FHIT: variants seen among roughly 807,000 people sequenced by gnomAD.
FHIT encodes bis(5'-adenosyl)-triphosphatase.
A neutral mutation model predicts 17.9 loss-of-function variants in FHIT; 19 were observed. The ratio of observed to expected loss-of-function variants is 1.06; its 90% CI spans 0.74 to 1.56. The LOEUF is 1.56. FHIT is among the 40% of genes most tolerant of loss of function. The pLI, the probability that FHIT is intolerant of heterozygous loss-of-function variation, is 0.00. For missense variants in FHIT, 248 were observed against 189.2 expected, an observed-to-expected ratio of 1.31 and a Z score of -1.82; for synonymous variants, 81 against 69.7, an observed-to-expected ratio of 1.16 and a Z score of -0.81.
chr3:60,705,801 CT>C (rs1159936369), intron 4 of FHIT, among the ~76,000 whole-genome samples: 5 of 152,176 alleles, frequency 3.3e-5, no homozygotes, highest in Non-Finnish European at 5.9e-5. Flanking sequence ...CACCCACCAT[CT>C]CTCCAGCTGT....
At chr3:60,376,409 C>T (rs1700564623) in intron 5 of FHIT, among the ~76,000 whole-genome samples, 3 of 152,218 alleles carry the variant, frequency 2.0e-5, no homozygotes, top group East Asian at 3.9e-4. Context: ...CTGGAAAAGT[C>T]CAGAAAATGC....
At chr3:59,812,237 C>A (rs1005527318) in intron 8 of FHIT, among the ~76,000 whole-genome samples, 6 of 152,126 alleles carry the variant, frequency 3.9e-5, no homozygotes, top group Non-Finnish European at 8.8e-5. Context: ...GTCATGGAAC[C>A]CTGATACAGA....
At chr3:59,866,199 A>G (rs1458496134) in intron 8 of FHIT, among the ~76,000 whole-genome samples, 1 of 151,840 alleles carries the variant, frequency 6.6e-6, no homozygotes, top group Non-Finnish European at 1.5e-5. Flanking sequence ...TTTGGTGGGG[A>G]ATCTGAGCTG....
intron 2 of FHIT, among the ~76,000 whole-genome samples, chr3:61,145,352 G>A (rs553542255): frequency 1.8e-4 from 28 of 152,194 alleles, no homozygotes; most frequent in Admixed American, 1.1e-3. Context: ...GACCATAAAT[G>A]CGAGGGTTTA....
intron 5 of FHIT, among the ~76,000 whole-genome samples, chr3:60,026,053 C>T (rs1429660512): frequency 1.3e-5 from 2 of 152,150 alleles, no homozygotes; most frequent in East Asian, 3.9e-4. Flanking sequence ...CATCTGCTTA[C>T]ACCTGTCTCC....
chr3:60,872,696 C>T (rs1262946903), intron 3 of FHIT, among the ~76,000 whole-genome samples: 5 of 152,028 alleles, frequency 3.3e-5, no homozygotes, highest in African/African-American at 1.2e-4. Context: ...TTTATTGAGA[C>T]AAATCCTCAA....
intron 4 of FHIT, among the ~76,000 whole-genome samples, chr3:60,718,590 G>T (rs1041337898): frequency 1.3e-5 from 2 of 152,164 alleles, no homozygotes; most frequent in African/African-American, 2.4e-5. Flanking sequence ...TGCCAAATCT[G>T]CCAGTCACTC....
At chr3:60,794,639 T>C (rs926159335) in intron 4 of FHIT, among the ~76,000 whole-genome samples, 1 of 152,234 alleles carries the variant, frequency 6.6e-6, no homozygotes, top group Admixed American at 6.5e-5. Flanking sequence ...ATTAATGAGA[T>C]ACTTTCGTAC....
Position 60,468,431 on chromosome 3 carries a change from T to C in FHIT, c.103+68429A>G, listed in dbSNP as rs536377008. Among the ~76,000 whole-genome samples, 4 of 152,264 alleles carry C rather than the reference T, an allele frequency of 2.6e-5. No homozygotes were observed. The South Asian group carries it at 8.3e-4, about 32-fold the overall frequency. On this transcript the variant is annotated intron_variant, in intron 5 of 9. Coordinates refer to ENST00000492590, the MANE Select transcript of FHIT (RefSeq NM_002012.4). ...GGTGATTTTCTCAAGTGATATGTTT[T>C]TATTGCTTGCTTTTTTATTTTTTCT...
intron 7 of FHIT, among the ~76,000 whole-genome samples, chr3:59,985,779 T>C (rs1057492807): frequency 6.6e-6 from 1 of 152,132 alleles, no homozygotes; most frequent in Non-Finnish European, 1.5e-5. Flanking sequence ...TGATCACCTC[T>C]CACTTTCACA....
At chr3:60,556,092 T>A (rs1177537694) in intron 4 of FHIT, among the ~76,000 whole-genome samples, 5 of 152,176 alleles carry the variant, frequency 3.3e-5, no homozygotes, top group Non-Finnish European at 7.3e-5. Context: ...GAACACTAAT[T>A]GGTCATTTTC....
chr3:60,501,555 G>T (rs1200666374), intron 5 of FHIT, among the ~76,000 whole-genome samples: 2 of 152,156 alleles, frequency 1.3e-5, no homozygotes, highest in African/African-American at 4.8e-5. Context: ...ATTTGGGAGT[G>T]GCTGGCTTTT....
chr3:60,080,520 G>A (rs1044558831), intron 5 of FHIT, among the ~76,000 whole-genome samples: 1 of 152,096 alleles, frequency 6.6e-6, no homozygotes, highest in Non-Finnish European at 1.5e-5. Context: ...TCCAGGCACT[G>A]ATTATTTTTT....
chr3:60,582,306 T>C (rs2107681415), intron 4 of FHIT, among the ~76,000 whole-genome samples: 1 of 152,228 alleles, frequency 6.6e-6, no homozygotes, highest in South Asian at 2.1e-4. Context: ...GAATGTCTAA[T>C]TGATGAATGC....
chr3:60,574,176 G>C (rs1559551395), intron 4 of FHIT, among the ~76,000 whole-genome samples: 1 of 152,040 alleles, frequency 6.6e-6, no homozygotes, highest in Non-Finnish European at 1.5e-5. Context: ...GCAGCTATGG[G>C]AGCTACAAAG....
chr3:60,563,206 G>A (rs1338562598), intron 4 of FHIT, among the ~76,000 whole-genome samples: 4 of 152,128 alleles, frequency 2.6e-5, no homozygotes, highest in African/African-American at 9.7e-5. Flanking sequence ...TTGAGTTGGT[G>A]AGGCAGCAGT....
chr3:60,995,982 C>G (rs1444879063), intron 3 of FHIT, among the ~76,000 whole-genome samples: 2 of 152,196 alleles, frequency 1.3e-5, no homozygotes, highest in East Asian at 3.8e-4. Context: ...CCAGTGAACA[C>G]TTTAATTTTA....
intron 3 of FHIT, among the ~76,000 whole-genome samples, chr3:60,922,314 G>A (rs554949520): frequency 3.9e-5 from 6 of 152,224 alleles, no homozygotes; most frequent in South Asian, 4.1e-4. Context: ...TAAAGAAACC[G>A]TGTTTAAACT....
chr3:60,377,499 G>T lies in FHIT; in HGVS notation c.103+159361C>A, dbSNP rs1188165212. 3.5e-4 allele frequency among the ~76,000 whole-genome samples: 27 copies of T among 77,148 alleles called. 2 individuals are homozygous for T. The highest frequency in any genetic ancestry group is 1.1e-3 in the African/African-American group (24 of 21,328). The allele number at this position is 77,148 out of a possible 152,430, so 50.6% of individuals were successfully genotyped here. A position where few individuals can be genotyped will look rare whatever the true frequency, so the allele number is the denominator to read the frequency against. ...TTTTTTTTTTTTTTTTTTTGAGACG[G>T]AGTCTCGCTCTGTCGCCCAGGCCGG... is the stretch of plus-strand genomic sequence containing the variant. On this transcript the variant is annotated intron_variant, in intron 5 of 9. Coordinates refer to ENST00000492590, the MANE Select transcript of FHIT (RefSeq NM_002012.4).
Sources: allele counts gnomAD v4.1 joint callset (sites outside exome capture counted in the v4.1 genomes callset), GRCh38; gene constraint gnomAD v4.1.1; transcripts MANE v1.5; gene names NCBI Gene and HGNC (gene_info 2026-07-23, HGNC 2026-07-21).